The following TTC7B variants were observed in gnomAD, a reference collection of about 807,000 sequenced individuals.
TTC7B encodes tetratricopeptide repeat domain 7B, also known as tetratricopeptide repeat protein 7B.
Under a neutral mutation model 106.8 loss-of-function variants are expected in TTC7B, and 28 were observed. That is an observed-to-expected ratio of 0.26 (90% CI 0.19 to 0.36). The LOEUF (loss-of-function observed/expected upper bound fraction) is 0.36. TTC7B is among the 10% of genes least tolerant of loss of function. The probability of loss-of-function intolerance (pLI) is 1.00; values close to 1 mark genes in which losing one functional copy is unlikely to be tolerated. For synonymous variants in TTC7B, 405 were observed against 430.6 expected (o/e 0.94, Z 0.74); for missense variants, 862 against 1,076.4 (o/e 0.80, Z 2.79).
chr14:90,729,183 A>C (rs562606441), intron 5 of TTC7B, among the ~76,000 whole-genome samples: 1 of 152,334 alleles, frequency 6.6e-6, no homozygotes, highest in East Asian at 1.9e-4. Flanking sequence ...ATTTTCAACT[A>C]ATGGGAAATG....
rs111328776 is a variant in TTC7B at position 90,735,381 on chromosome 14, C to T, written c.577-5185G>A. ...AATTAGCCAGGTGTGGTGGTGTGTA[C>T]CTGTAGTCCAAACTACTGGGGATGC... On this transcript the variant is annotated intron_variant, in intron 4 of 19. Coordinates refer to ENST00000328459, the MANE Select transcript of TTC7B (RefSeq NM_001010854.2). Among the ~76,000 whole-genome samples, 1,374 of 151,730 alleles carry T rather than the reference C, an allele frequency of 9.1e-3. 15 individuals carry two copies. Among genetic ancestry groups the T allele is most frequent in the Non-Finnish European group, 0.012 (799 of 67,936 alleles).
Position 90,570,323 on chromosome 14 carries a change from C to T in TTC7B, c.2310+7783G>A, listed in dbSNP as rs1890983553. On this transcript the variant is annotated intron_variant, in intron 19 of 19. Coordinates refer to ENST00000328459, the MANE Select transcript of TTC7B (RefSeq NM_001010854.2). The surrounding 1 kb of genome is among the most constrained non-coding windows in gnomAD (Gnocchi z 4.0). ...AAGTCATTTCCCGCACTCATTTGGTCAGCAAAGGCTGTGCCAAGGCCAAGC... is the reference window on the plus strand; with the variant it reads ...AAGTCATTTCCCGCACTCATTTGGTTAGCAAAGGCTGTGCCAAGGCCAAGC... 6.6e-6 allele frequency among the ~76,000 whole-genome samples: 1 copy of T among 152,246 alleles called. No homozygotes were observed.
intron 1 of TTC7B, among the ~76,000 whole-genome samples, chr14:90,796,781 G>C (rs1163443074): frequency 6.6e-6 from 1 of 152,106 alleles, no homozygotes; most frequent in East Asian, 1.9e-4. Context: ...CGCTATTCAG[G>C]GAGGAGTTGG....
chr14:90,747,689 G>A (rs1331500867), intron 3 of TTC7B, among the ~76,000 whole-genome samples: 1 of 152,170 alleles, frequency 6.6e-6, no homozygotes, highest in Non-Finnish European at 1.5e-5. Context: ...CCAATCATCT[G>A]TCCACTTGTT....
chr14:90,561,309 G>A (rs34467615), intron 19 of TTC7B, among the ~76,000 whole-genome samples: 47,752 of 152,126 alleles, frequency 0.31, 8,814 homozygotes, highest in Admixed American at 0.42. Context: ...AACTGGCAAG[G>A]GTGGACCCCA....
At chr14:90,581,138 C>T (rs1363172545) in intron 18 of TTC7B, among the ~76,000 whole-genome samples, 3 of 152,174 alleles carry the variant, frequency 2.0e-5, no homozygotes, top group Non-Finnish European at 4.4e-5. Context: ...AGTCCCTCCT[C>T]GCTAGAGATA....
intron 3 of TTC7B, among the ~76,000 whole-genome samples, chr14:90,761,329 G>C (rs1259166072): frequency 1.3e-5 from 2 of 152,182 alleles, no homozygotes; most frequent in Non-Finnish European, 2.9e-5. Context: ...TTGGCCTTTT[G>C]AGGTATCTCT....
intron 1 of TTC7B, among the ~76,000 whole-genome samples, chr14:90,789,034 T>A (rs1242248381): frequency 6.6e-6 from 1 of 152,220 alleles, no homozygotes; most frequent in Non-Finnish European, 1.5e-5. Context: ...TTATTAATAC[T>A]ATAATAATAG....
intron 14 of TTC7B, among the ~76,000 whole-genome samples, chr14:90,645,488 C>A (rs569360824): frequency 2.6e-5 from 4 of 152,278 alleles, no homozygotes; most frequent in Admixed American, 6.5e-5. Flanking sequence ...CCTGGTCAAA[C>A]CCCCTCCCCT....
In TTC7B at chr14:90,726,959, G is replaced by A. The variant is rs144283982; in HGVS notation, c.698+3116C>T. 3.1e-3 allele frequency among the ~76,000 whole-genome samples: 477 copies of A among 152,142 alleles called. 5 individuals are homozygous for A. The highest frequency in any genetic ancestry group is 0.031 in the South Asian group (147 of 4,796). Reference sequence around the variant, plus strand: ...GGGAGGTGGAGGAAGTTACCGGCCTGGATGACAACTAGCTGTTCTCTCCTG... The same window carrying A: ...GGGAGGTGGAGGAAGTTACCGGCCTAGATGACAACTAGCTGTTCTCTCCTG... On this transcript the variant is annotated intron_variant, in intron 5 of 19. Transcript: ENST00000328459.
At chr14:90,755,890 A>G (rs140922764) in intron 3 of TTC7B, among the ~76,000 whole-genome samples, 12 of 152,354 alleles carry the variant, frequency 7.9e-5, no homozygotes, top group African/African-American at 2.6e-4. Flanking sequence ...TAAATACTCA[A>G]TAAGTACTCT....
chr14:90,617,901 C>T (rs370221327), intron 16 of TTC7B, 28 bp downstream of exon 16: 19 of 1,585,266 alleles, frequency 1.2e-5, no homozygotes, highest in Middle Eastern at 1.9e-4. Context: ...GCAAAAGCCA[C>T]GCAAAGCAGG....
intron 5 of TTC7B, among the ~76,000 whole-genome samples, chr14:90,716,180 G>T (rs1330322557): frequency 6.6e-6 from 1 of 152,132 alleles, no homozygotes; most frequent in African/African-American, 2.4e-5. Context: ...TCAGTGGGTG[G>T]AAAATCACTA....
Position 90,805,775 on chromosome 14 carries a change from C to T in TTC7B, c.121+10400G>A, listed in dbSNP as rs144160255. ...CATCAAAGAGATATGGGGAATTAGC[C>T]GCCCTGCAGGGGGTCCGTGCCCTGC... is the stretch of plus-strand genomic sequence containing the variant. On this transcript the variant is annotated intron_variant, in intron 1 of 19. Coordinates refer to ENST00000328459, the MANE Select transcript of TTC7B (RefSeq NM_001010854.2). This position sits in a 1 kb window ranked among gnomAD's most constrained non-coding sequence, Gnocchi z 4.0. Among the ~76,000 whole-genome samples the T allele has an allele frequency of 1.5e-3, 236 of 152,312 alleles. No individual in the cohort carries two copies. The highest frequency in any genetic ancestry group is 5.4e-3 in the African/African-American group (224 of 41,560).
At chr14:90,609,586 C>T (rs143988020) in intron 17 of TTC7B, among the ~76,000 whole-genome samples, 11 of 152,316 alleles carry the variant, frequency 7.2e-5, no homozygotes, top group African/African-American at 2.6e-4. Context: ...TCTGGCAGAG[C>T]TGGGATGTGG....
rs150300625 is a variant in TTC7B, at chr14:90,636,191, T to C, written c.1751+7857A>G. Among the ~76,000 whole-genome samples, 4 of 152,040 alleles carry C rather than the reference T, an allele frequency of 2.6e-5. No individual in the cohort carries two copies. The East Asian group carries it at 5.8e-4, about 22-fold the overall frequency. ...GTCTATATATGTGTATATGTATACA[T>C]GTGTGTATACTCACACACATGCACA... On this transcript the variant is annotated intron_variant, in intron 15 of 19. Coordinates refer to ENST00000328459, the MANE Select transcript of TTC7B (RefSeq NM_001010854.2).
chr14:90,556,333 G>A (rs111821908), intron 19 of TTC7B, among the ~76,000 whole-genome samples: 2 of 152,126 alleles, frequency 1.3e-5, no homozygotes, highest in Admixed American at 1.3e-4. Flanking sequence ...TTTAAATCAC[G>A]TGCTTTGAGG....
chr14:90,538,990 A>C lies in TTC7B; in HGVS notation c.*2378T>G, dbSNP rs572511882. ...CCACTGGCATCCTATTAGGACATCA[A>C]ACCCAGCAGAAAGAGGCTTTTTTTC... On this transcript the variant is annotated 3_prime_UTR_variant, in exon 20 of 20. Coordinates refer to ENST00000328459, the MANE Select transcript of TTC7B (RefSeq NM_001010854.2). The C allele has an allele frequency of 6.6e-6, 1 of 152,304 alleles. No homozygotes were observed. Among genetic ancestry groups the C allele is most frequent in the Non-Finnish European group, 1.5e-5 (1 of 68,032 alleles). 9.4% of individuals were successfully genotyped at this position (152,304 alleles called of 1,614,324 possible).
Position 90,774,982 on chromosome 14 carries a change from A to C in TTC7B, c.445+5756T>G, listed in dbSNP as rs184123663. Among the ~76,000 whole-genome samples the C allele has an allele frequency of 5.3e-5, 8 of 152,098 alleles. No individual in the cohort carries two copies. In the East Asian group the frequency reaches 1.6e-3, roughly 29 times the overall value. ...CACTTGAACGCGGGAGGCAGAAGTT[A>C]CAGTGAGCCGAGATTGCGCCACTGC... On this transcript the variant is annotated intron_variant, in intron 3 of 19. Transcript: ENST00000328459.
Sources: allele counts gnomAD v4.1 joint callset (sites outside exome capture counted in the v4.1 genomes callset), GRCh38; gene constraint gnomAD v4.1.1; non-coding constraint Gnocchi (gnomAD v3.1); transcripts MANE v1.5; gene names NCBI Gene and HGNC (gene_info 2026-07-23, HGNC 2026-07-21).